The following TTC6 variants were observed in gnomAD, a reference collection of about 807,000 sequenced individuals.
TTC6 encodes the protein tetratricopeptide repeat protein 6.
Under a neutral mutation model 210.4 loss-of-function variants are expected in TTC6, and 172 were observed. The observed-to-expected ratio is 0.82, with a 90% CI of 0.72 to 0.93. The LOEUF (loss-of-function observed/expected upper bound fraction) is 0.93, where lower values mean the gene tolerates loss of function less well. TTC6 is among the 40% of genes least tolerant of loss of function. The probability of loss-of-function intolerance (pLI) is 0.00; values close to 1 mark genes in which losing one functional copy is unlikely to be tolerated. For synonymous variants in TTC6, 804 were observed against 819.6 expected (o/e 0.98, Z 0.32); for missense variants, 2,414 against 2,318.1 (o/e 1.04, Z -0.85).
intron 14 of TTC6, among the ~76,000 whole-genome samples, chr14:37,758,338 A>G (rs982168422): frequency 3.9e-4 from 59 of 152,106 alleles, no homozygotes; most frequent in African/African-American, 1.4e-3. Flanking sequence ...GGTCTCTAAG[A>G]ACTTGCTTTG....
At chr14:37,633,565 A>T (rs148473566) in intron 1 of TTC6, among the ~76,000 whole-genome samples, 1 of 152,160 alleles carries the variant, frequency 6.6e-6, no homozygotes, top group African/African-American at 2.4e-5. Context: ...AGCTGTTCCT[A>T]TTCAGCCATC....
chr14:37,778,026 C>A (rs978640233), intron 14 of TTC6, among the ~76,000 whole-genome samples: 1 of 152,088 alleles, frequency 6.6e-6, no homozygotes, highest in Non-Finnish European at 1.5e-5. Flanking sequence ...CTGGCTACAA[C>A]ACTTTGATGG....
chr14:37,668,278 T>A (rs1395944782), intron 1 of TTC6, among the ~76,000 whole-genome samples: 1 of 150,682 alleles, frequency 6.6e-6, no homozygotes, highest in Non-Finnish European at 1.5e-5. Flanking sequence ...ACCAGTTGTA[T>A]CAGTCAGTTA....
At chr14:37,800,078 G>T (rs1325082369) in intron 20 of TTC6, among the ~76,000 whole-genome samples, 1 of 152,092 alleles carries the variant, frequency 6.6e-6, no homozygotes, top group East Asian at 1.9e-4. Flanking sequence ...GCAAATGTAG[G>T]AGCAGCTTTA....
chr14:37,717,630 G>A (rs2095854822), intron 6 of TTC6, among the ~76,000 whole-genome samples: 1 of 152,094 alleles, frequency 6.6e-6, no homozygotes, highest in Non-Finnish European at 1.5e-5. Flanking sequence ...ACACATTTAA[G>A]GAACAATTAA....
At chr14:37,780,799 C>T (rs1260554076) in intron 14 of TTC6, among the ~76,000 whole-genome samples, 1 of 152,090 alleles carries the variant, frequency 6.6e-6, no homozygotes, top group Admixed American at 6.5e-5. Context: ...CCACCATGGA[C>T]CCCGGTGTGT....
chr14:37,804,687 TGG>T lies in TTC6; in HGVS notation c.4038_4039del (p.Glu1347SerfsTer3). ...GCTTTTTTATCATTATAGGAAGCTGTGGAAGTGCTTAAGAAGGCTTTGGATGC... is the reference window on the plus strand; with the variant it reads ...GCTTTTTTATCATTATAGGAAGCTGTAAGTGCTTAAGAAGGCTTTGGATGC... On this transcript the variant is annotated frameshift_variant, in exon 21 of 31. Transcript: ENST00000553443. LOFTEE classifies it high-confidence loss of function. The T allele has an allele frequency of 6.2e-7, 1 of 1,613,102 alleles. No individual in the cohort carries two copies. The highest frequency in any genetic ancestry group is 8.5e-7 in the Non-Finnish European group (1 of 1,179,598).
chr14:37,650,913 C>T (rs1395619742), intron 1 of TTC6, among the ~76,000 whole-genome samples: 1 of 152,186 alleles, frequency 6.6e-6, no homozygotes, highest in African/African-American at 2.4e-5. Flanking sequence ...GGCTTTTGAA[C>T]CACAGCTGTC....
At chr14:37,678,730 T>C (rs1278263652) in intron 1 of TTC6, among the ~76,000 whole-genome samples, 1 of 152,206 alleles carries the variant, frequency 6.6e-6, no homozygotes, top group Non-Finnish European at 1.5e-5. Context: ...TGTCAAATCC[T>C]AAAAGAGTTG....
intron 10 of TTC6, among the ~76,000 whole-genome samples, chr14:37,745,984 T>C (rs2095934788): frequency 6.6e-6 from 1 of 152,210 alleles, no homozygotes. Context: ...TTCCCCTATG[T>C]AAGCCAAAGA....
At chr14:37,695,192 A>G (rs2095812456) in intron 3 of TTC6, among the ~76,000 whole-genome samples, 1 of 152,030 alleles carries the variant, frequency 6.6e-6, no homozygotes. Flanking sequence ...AATCAAAACA[A>G]TTGAACCCAT....
intron 14 of TTC6, among the ~76,000 whole-genome samples, chr14:37,754,974 A>T (rs183384839): frequency 2.6e-4 from 40 of 152,248 alleles, no homozygotes; most frequent in Non-Finnish European, 4.4e-4. Flanking sequence ...ATCCTTGAGG[A>T]ATTGCCACAC....
intron 28 of TTC6, 35 bp from the exon 31 acceptor site, chr14:37,827,161 C>G: frequency 6.4e-7 from 1 of 1,552,238 alleles, no homozygotes; most frequent in Non-Finnish European, 8.8e-7. Flanking sequence ...AAATACTATT[C>G]CCCAATGTTA....
At chr14:37,698,119 A>G (rs557608825) in intron 4 of TTC6, among the ~76,000 whole-genome samples, 2 of 152,274 alleles carry the variant, frequency 1.3e-5, no homozygotes, top group Non-Finnish European at 2.9e-5. Context: ...GCAGAGGAAT[A>G]AAAGTCTGAT....
intron 1 of TTC6, among the ~76,000 whole-genome samples, chr14:37,649,582 T>C (rs1411359887): frequency 6.6e-6 from 1 of 152,228 alleles, no homozygotes; most frequent in Non-Finnish European, 1.5e-5. Flanking sequence ...CCCAGGATTT[T>C]TGAAGCCCGA....
At chr14:37,617,833 A>C (rs1444992848), upstream of TTC6, among the ~76,000 whole-genome samples, 1 of 152,182 alleles carries the variant, frequency 6.6e-6, no homozygotes, top group Non-Finnish European at 1.5e-5. Context: ...CATTGGCCTG[A>C]AGTTTAGGAG....
chr14:37,633,922 C>T (rs865843637), intron 1 of TTC6, among the ~76,000 whole-genome samples: 1 of 152,208 alleles, frequency 6.6e-6, no homozygotes, highest in African/African-American at 2.4e-5. Context: ...AGACTTCTAC[C>T]TCCAGTTGGT....
At chr14:37,688,300 G>A (rs189127378) in intron 3 of TTC6, among the ~76,000 whole-genome samples, 7 of 152,302 alleles carry the variant, frequency 4.6e-5, no homozygotes, top group East Asian at 3.9e-4. Flanking sequence ...CCAGATGGAC[G>A]TCTAAGGTTT....
At chr14:37,635,538 A>C (rs1168148871) in intron 1 of TTC6, among the ~76,000 whole-genome samples, 1 of 152,226 alleles carries the variant, frequency 6.6e-6, no homozygotes, top group East Asian at 1.9e-4. Context: ...TCAATGATAT[A>C]TTGTCTACGA....
Sources: gnomAD v4.1 joint callset for allele counts (sites outside exome capture counted in the v4.1 genomes callset) on GRCh38, gnomAD v4.1.1 for gene constraint, MANE v1.5 for transcripts, NCBI Gene and HGNC (gene_info 2026-07-23, HGNC 2026-07-21) for gene names.